GET1: variants seen among roughly 807,000 people sequenced by gnomAD.
GET1 encodes congenital heart disease 5 protein.
Under a neutral mutation model 22.6 loss-of-function variants are expected in GET1, and 20 were observed. The observed-to-expected ratio is 0.89, with a 90% CI of 0.62 to 1.29. GET1 has a LOEUF of 1.29. Among genes scored for constraint, GET1 ranks in the 50% most tolerant of loss-of-function variants. GET1 has a pLI of 0.00. For synonymous variants in GET1, 92 were observed against 83.8 expected, an observed-to-expected ratio of 1.10 and a Z score of -0.53; for missense variants, 209 against 219.9, an observed-to-expected ratio of 0.95 and a Z score of 0.31.
intron 4 of GET1, among the ~76,000 whole-genome samples, chr21:39,403,540 T>A (rs983744530): frequency 8.1e-6 from 1 of 124,168 alleles, no homozygotes; most frequent in Non-Finnish European, 1.7e-5. Flanking sequence ...TTAGCCAGGA[T>A]GGTCTCGATC....
chr21:39,398,058 C>T (rs568548816), downstream of GET1, among the ~76,000 whole-genome samples: 54 of 152,310 alleles, frequency 3.5e-4, no homozygotes, highest in Middle Eastern at 0.014. Flanking sequence ...CTCAAACACA[C>T]ATGCACGCAG....
chr21:39,385,419 TG>T (rs2037821694), intron 1 of GET1, among the ~76,000 whole-genome samples: 1 of 151,706 alleles, frequency 6.6e-6, no homozygotes, highest in Non-Finnish European at 1.5e-5. Flanking sequence ...GCGGTGGGGG[TG>T]GGATGCCTGG....
At position 39,419,539 on chromosome 21, in the gene GET1, A is replaced by AAAG. The variant is rs1326058642; in HGVS notation, c.*23+8604_*23+8605insGAA. On this transcript the variant is annotated intron_variant, in intron 1 of 1. Transcript: ENST00000478273. Reference sequence around the variant, plus strand: ...GACCCTGTTCAAAAAAAAAAAAGAAAAAAGAAAAAAGAAAGAAAGGGAAAT... The same window carrying AAAG: ...GACCCTGTTCAAAAAAAAAAAAGAAAAAGAAAGAAAAAAGAAAGAAAGGGAAAT... 2.0e-3 allele frequency among the ~76,000 whole-genome samples: 297 copies of AAAG among 151,678 alleles called. 4 individuals carry two copies. The highest frequency in any genetic ancestry group is 6.8e-3 in the African/African-American group (279 of 41,240).
At chr21:39,389,783 G>A (rs1269651940) in intron 1 of GET1, among the ~76,000 whole-genome samples, 5 of 152,124 alleles carry the variant, frequency 3.3e-5, no homozygotes, top group Admixed American at 2.6e-4. Context: ...CTGACATTCT[G>A]CCCTGGGCCC....
At chr21:39,409,338 G>A (rs183941392), downstream of GET1, among the ~76,000 whole-genome samples, 28 of 152,172 alleles carry the variant, frequency 1.8e-4, no homozygotes, top group East Asian at 9.7e-4. The surrounding 1 kb of genome is among the most constrained non-coding windows in gnomAD (Gnocchi z 4.2). Context: ...TGTTTAAACC[G>A]GCAGTCTGTG....
chr21:39,395,847 G>A (rs942979801), intron 4 of GET1, among the ~76,000 whole-genome samples: 1 of 152,218 alleles, frequency 6.6e-6, no homozygotes, highest in Admixed American at 6.5e-5. Flanking sequence ...CTTGCAGCCT[G>A]TCTTCCTGGA....
At chr21:39,428,395 TG>T in exon 2 of GET1, 1 of 1,613,134 alleles carries the variant, frequency 6.2e-7, no homozygotes, top group Non-Finnish European at 8.5e-7. Flanking sequence ...CGCCTGTGCC[TG>T]GGCTTCTCTT....
intron 1 of GET1, chr21:39,427,725 GT>G (rs2075017367): frequency 6.6e-6 from 1 of 151,888 alleles, no homozygotes; most frequent in Admixed American, 6.6e-5. Context: ...AACCATCTCT[GT>G]TTCAAAAGAT....
rs563318076 is a variant in GET1, at chr21:39,391,951, C to T, written c.336+115C>T. 3.4e-5 allele frequency: 33 copies of T among 960,054 alleles called. No homozygotes were observed. The African/African-American group carries it at 3.7e-4, about 11-fold the overall frequency. 59.5% of individuals were successfully genotyped at this position (960,054 alleles called of 1,614,324 possible). ...GCTGTTCCACCTTCAGCTGTCGTGT[C>T]GTGTGTCCCTGCCCACATGGAGCTC... is the stretch of plus-strand genomic sequence containing the variant. On this transcript the variant is annotated intron_variant, in intron 3 of 4. Coordinates refer to ENST00000649170, the MANE Select transcript of GET1 (RefSeq NM_004627.6).
At chr21:39,406,609 A>C in exon 5 of GET1, 1 of 1,569,042 alleles carries the variant, frequency 6.4e-7, no homozygotes, top group Non-Finnish European at 8.6e-7. Context: ...TTCCCCTGAT[A>C]AATCTATATT....
chr21:39,407,783 C>T (rs900265933), downstream of GET1: 17 of 152,226 alleles, frequency 1.1e-4, no homozygotes, highest in African/African-American at 3.6e-4. Context: ...TGAATGGATA[C>T]ACTTTCTAGG....
chr21:39,416,774 C>A (rs1422779290), intron 1 of GET1, among the ~76,000 whole-genome samples: 1 of 152,160 alleles, frequency 6.6e-6, no homozygotes, highest in African/African-American at 2.4e-5. Context: ...ACATCAACAT[C>A]ATTACCAACT....
chr21:39,398,612 T>G (rs976348684), downstream of GET1, among the ~76,000 whole-genome samples: 8 of 77,744 alleles, frequency 1.0e-4, no homozygotes, highest in African/African-American at 3.2e-4. Flanking sequence ...AATTATACAG[T>G]TTTTTTTTTT....
chr21:39,417,797 G>T (rs547025855), intron 1 of GET1, among the ~76,000 whole-genome samples: 4 of 151,638 alleles, frequency 2.6e-5, no homozygotes, highest in Admixed American at 6.6e-5. Flanking sequence ...ATGGAGTCTC[G>T]CTCTGTCGCC....
chr21:39,406,030 G>A, exon 5 of GET1: 1 of 1,614,206 alleles, frequency 6.2e-7, no homozygotes, highest in South Asian at 1.1e-5. Context: ...AGGCTCCTCT[G>A]AGCCTTTTGC....
At position 39,390,860 on chromosome 21, in the gene GET1, C is replaced by G. The variant is rs1011983287; in HGVS notation, c.265C>G (p.His89Asp). The change falls in exon 2 of 5, where the codon CAT (histidine) becomes GAT (aspartate). Residue 89 changes from histidine to aspartate, a missense_variant. Physicochemically the swap from His to Asp is moderately conservative, Grantham distance 81. Coordinates refer to ENST00000649170, the MANE Select transcript of GET1 (RefSeq NM_004627.6). The part of the protein sequence containing the change: ...INKMTDKLKT[H>D]VKARTAQLAK... Reference sequence around the variant, plus strand: ...CAAGATGACGGATAAGCTCAAAACCCATGGTACTGTGTCCCTTGCAGCCTG... The same window carrying G: ...CAAGATGACGGATAAGCTCAAAACCGATGGTACTGTGTCCCTTGCAGCCTG... The G allele has an allele frequency of 6.2e-7, 1 of 1,614,070 alleles. No individual in the cohort carries two copies. Among genetic ancestry groups the G allele is most frequent in the Non-Finnish European group, 8.5e-7 (1 of 1,179,994 alleles).
chr21:39,403,527 G>C (rs765402676), intron 4 of GET1, among the ~76,000 whole-genome samples: 43 of 138,924 alleles, frequency 3.1e-4, no homozygotes, highest in Non-Finnish European at 4.9e-4. Flanking sequence ...GGGGTTCACC[G>C]TGTTAGCCAG....
downstream of GET1, chr21:39,410,412 G>T: frequency 1.0e-6 from 1 of 976,426 alleles, no homozygotes; most frequent in African/African-American, 1.6e-5. Context: ...TTTTACATTT[G>T]GATACAATAT....
chr21:39,420,858 TA>T (rs750056844), intron 1 of GET1: 2 of 1,581,702 alleles, frequency 1.3e-6, no homozygotes, highest in East Asian at 4.5e-5. Context: ...AAACAGTATA[TA>T]TTATAACTAT....
Sources: gnomAD v4.1 joint callset for allele counts (sites outside exome capture counted in the v4.1 genomes callset) on GRCh38, gnomAD v4.1.1 for gene constraint, Gnocchi (gnomAD v3.1) non-coding constraint, MANE v1.5 for transcripts, NCBI Gene and HGNC (gene_info 2026-07-23, HGNC 2026-07-21) for gene names.